TOX3: variants seen among roughly 807,000 people sequenced by gnomAD.
The protein encoded by TOX3 is TOX high mobility group box family member 3.
In TOX3, 22 loss-of-function variants were observed where a neutral mutation model predicts 64.3. The ratio of observed to expected loss-of-function variants is 0.34; its 90% confidence interval spans 0.24 to 0.49. The LOEUF (loss-of-function observed/expected upper bound fraction) is 0.49. TOX3 is among the 20% of genes least tolerant of loss of function. The pLI is 0.99. For missense variants in TOX3, 661 were observed against 714.4 expected, an observed-to-expected ratio of 0.93 and a Z score of 0.85; for synonymous variants, 291 against 273.6, an observed-to-expected ratio of 1.06 and a Z score of -0.63.
chr16:52,450,395 C>T lies in TOX3; in HGVS notation c.560G>A (p.Gly187Glu), dbSNP rs370542526. Residue 187 changes from glycine (G) to glutamate (E), a missense_variant, in exon 4 of 7, where the codon GGG becomes GAG. Gly to Glu is a moderately conservative substitution (Grantham distance 98). Transcript: ENST00000219746. ...CATACTGGCACCTCCCAAATTCAAC[C>T]CCAACTGGGCGCTGAGCTGAGACTG... ...INQSQLSAQLGLNLGGASMPH... is the reference protein window; with the variant it reads ...INQSQLSAQLELNLGGASMPH... 2.8e-4 allele frequency: 446 copies of T among 1,613,792 alleles called. No individual in the cohort carries two copies. The highest frequency in any genetic ancestry group is 3.6e-4 in the Non-Finnish European group (429 of 1,179,890).
chr16:52,440,031 AT>A, intron 6 of TOX3, 63 bp from the exon 7 acceptor site: 1 of 1,286,622 alleles, frequency 7.8e-7, no homozygotes, highest in Non-Finnish European at 1.0e-6. Flanking sequence ...ATATTTAAGC[AT>A]TTTTAGATAT....
intron 1 of TOX3, among the ~76,000 whole-genome samples, chr16:52,544,751 T>C (rs1256143989): frequency 6.6e-6 from 1 of 152,150 alleles, no homozygotes; most frequent in Non-Finnish European, 1.5e-5. Context: ...ATAGCCTTTC[T>C]CAGAAAATAA....
chr16:52,439,115 G>GTT lies in TOX3; in HGVS notation c.*108_*109dup. 6.7e-7 allele frequency: 1 copy of GTT among 1,503,008 alleles called. No homozygotes were observed. The highest frequency in any genetic ancestry group is 9.1e-7 in the Non-Finnish European group (1 of 1,102,820). 93.1% of individuals were successfully genotyped at this position (1,503,008 alleles called of 1,614,324 possible). ...GACACTTGAGAGGACCGTTTGATCT[G>GTT]TTACACATTTCTGCATAACCAACAC... On this transcript the variant is annotated 3_prime_UTR_variant, in exon 7 of 7. Transcript: ENST00000219746.
intron 1 of TOX3, among the ~76,000 whole-genome samples, chr16:52,507,001 A>C (rs1433964920): frequency 1.3e-5 from 2 of 152,216 alleles, no homozygotes; most frequent in Non-Finnish European, 2.9e-5. Flanking sequence ...AGCTGACAAC[A>C]AAACAGTGAT....
chr16:52,520,130 C>A (rs1962568543), intron 1 of TOX3, among the ~76,000 whole-genome samples: 1 of 151,908 alleles, frequency 6.6e-6, no homozygotes, highest in African/African-American at 2.4e-5. Context: ...ATATAAAATC[C>A]AAACATAAAA....
At chr16:52,512,811 A>G (rs1188352810) in intron 1 of TOX3, among the ~76,000 whole-genome samples, 1 of 152,144 alleles carries the variant, frequency 6.6e-6, no homozygotes, top group Non-Finnish European at 1.5e-5. Flanking sequence ...TGTGGCTGGC[A>G]TGTTATTAAA....
intron 1 of TOX3, among the ~76,000 whole-genome samples, chr16:52,491,781 T>C (rs961282315): frequency 6.6e-6 from 1 of 152,196 alleles, no homozygotes; most frequent in Non-Finnish European, 1.5e-5. Flanking sequence ...ATTCACAGTG[T>C]TATCTCCATC....
intron 1 of TOX3, among the ~76,000 whole-genome samples, chr16:52,477,907 A>G (rs933570882): frequency 5.9e-5 from 9 of 152,098 alleles, no homozygotes; most frequent in Non-Finnish European, 1.2e-4. Flanking sequence ...GTGCTACCAT[A>G]GCTCACTGTG....
intron 1 of TOX3, among the ~76,000 whole-genome samples, chr16:52,534,264 CA>C (rs1396938461): frequency 3.3e-5 from 5 of 152,104 alleles, no homozygotes; most frequent in Non-Finnish European, 7.4e-5. Flanking sequence ...AAAAATACAA[CA>C]GCAAAGAAAG....
chr16:52,447,605 AT>A (rs1960200491), intron 4 of TOX3, among the ~76,000 whole-genome samples: 2 of 152,170 alleles, frequency 1.3e-5, no homozygotes, highest in Admixed American at 1.3e-4. Flanking sequence ...GTTTTAAGTC[AT>A]ATCTCACTTC....
intron 4 of TOX3, among the ~76,000 whole-genome samples, chr16:52,449,425 C>A (rs1960266601): frequency 6.6e-6 from 1 of 152,134 alleles, no homozygotes; most frequent in Admixed American, 6.5e-5. Flanking sequence ...TCCTCTTAGA[C>A]CTAATTCAAA....
intron 1 of TOX3, among the ~76,000 whole-genome samples, chr16:52,469,776 A>G (rs1317390040): frequency 6.6e-6 from 1 of 152,206 alleles, no homozygotes; most frequent in Non-Finnish European, 1.5e-5. Context: ...CCTCTTCCTC[A>G]ATAAACTAAC....
intron 6 of TOX3, among the ~76,000 whole-genome samples, chr16:52,440,620 A>G (rs1294002179): frequency 6.6e-6 from 1 of 152,204 alleles, no homozygotes; most frequent in Non-Finnish European, 1.5e-5. Context: ...TAAAGACAAC[A>G]GAGTACAGGC....
chr16:52,439,612 C>T lies in TOX3; in HGVS notation c.1344G>A (p.Gln448=), dbSNP rs1959882153. ...TQQHQMQLQQ[Q]QQQQQQQMQQ... ...GCATCTGTTGTTGTTGCTGCTGCTG[C>T]TGCTGCTGCAATTGCATCTGATGCT... The change falls in exon 7 of 7, where the codon CAG becomes CAA. Residue 448 remains glutamine, a synonymous_variant. Coordinates refer to ENST00000219746, the MANE Select transcript of TOX3 (RefSeq NM_001080430.4). 1 of 1,611,578 alleles carries T rather than the reference C, an allele frequency of 6.2e-7. No homozygotes were observed. The highest frequency in any genetic ancestry group is 8.5e-7 in the Non-Finnish European group (1 of 1,178,374).
intron 6 of TOX3, among the ~76,000 whole-genome samples, chr16:52,442,424 C>A (rs1297669750): frequency 6.6e-6 from 1 of 152,132 alleles, no homozygotes; most frequent in Non-Finnish European, 1.5e-5. Context: ...TATATAACGG[C>A]CCTTATATTT....
intron 1 of TOX3, among the ~76,000 whole-genome samples, chr16:52,491,616 A>C (rs996190165): frequency 6.6e-6 from 1 of 152,164 alleles, no homozygotes; most frequent in Non-Finnish European, 1.5e-5. Flanking sequence ...TATTGGACTG[A>C]TCTGCTTGTC....
At chr16:52,454,243 A>G (rs1453831194) in intron 3 of TOX3, among the ~76,000 whole-genome samples, 2 of 152,034 alleles carry the variant, frequency 1.3e-5, no homozygotes, top group Non-Finnish European at 2.9e-5. Context: ...TTCATTACAA[A>G]AAAAAAAAAG....
At chr16:52,484,363 T>G (rs1961450986) in intron 1 of TOX3, among the ~76,000 whole-genome samples, 1 of 152,184 alleles carries the variant, frequency 6.6e-6, no homozygotes, top group Non-Finnish European at 1.5e-5. Flanking sequence ...TTGACAGAAT[T>G]CTTTTATTCT....
In TOX3 at chr16:52,439,088, T is replaced by C; in HGVS notation, c.*137A>G. 3 of 1,256,532 alleles carry C rather than the reference T, an allele frequency of 2.4e-6. No individual in the cohort carries two copies. The highest frequency in any genetic ancestry group is 1.9e-4 in the Middle Eastern group (1 of 5,300). The allele number at this position is 1,256,532 out of a possible 1,614,324, so 77.8% of individuals were successfully genotyped here. A position where few individuals can be genotyped will look rare whatever the true frequency, so the allele number is the denominator to read the frequency against. On this transcript the variant is annotated 3_prime_UTR_variant, in exon 7 of 7. Transcript: ENST00000219746. Reference sequence around the variant, plus strand: ...ACTGCAGTTCTTATTGCCTATCTAATAGACACTTGAGAGGACCGTTTGATC... The same window carrying C: ...ACTGCAGTTCTTATTGCCTATCTAACAGACACTTGAGAGGACCGTTTGATC...
Sources: allele counts gnomAD v4.1 joint callset (sites outside exome capture counted in the v4.1 genomes callset), GRCh38; gene constraint gnomAD v4.1.1; transcripts MANE v1.5; gene names NCBI Gene and HGNC (gene_info 2026-07-23, HGNC 2026-07-21).